Variants in LGSN observed in about 807,000 individuals in gnomAD.
LGSN encodes the protein lengsin.
Under a neutral mutation model 19.5 loss-of-function variants are expected in LGSN, and 21 were observed. That is an observed-to-expected ratio of 1.07 (90% CI 0.76 to 1.55). The LOEUF is 1.55. Among genes scored for constraint, LGSN ranks in the 40% most tolerant of loss-of-function variants. LGSN has a pLI of 0.00. For missense variants in LGSN, 673 were observed against 608.5 expected (o/e 1.11, Z -1.12); for synonymous variants, 257 against 215.6 (o/e 1.19, Z -1.68).
the LGSN span, among the ~76,000 whole-genome samples, chr6:63,499,450 C>A: frequency 1.3e-5 from 2 of 152,154 alleles, no homozygotes; most frequent in East Asian, 3.9e-4. Flanking sequence ...ATATTAGATT[C>A]CTGAAAAGTT....
the LGSN span, among the ~76,000 whole-genome samples, chr6:63,504,638 T>C: frequency 6.6e-6 from 1 of 152,042 alleles, no homozygotes; most frequent in Non-Finnish European, 1.5e-5. Flanking sequence ...GAGACAGGGT[T>C]TTGCCACGTT....
chr6:63,447,008 CG>C, the LGSN span, among the ~76,000 whole-genome samples: 1 of 152,168 alleles, frequency 6.6e-6, no homozygotes, highest in Non-Finnish European at 1.5e-5. Flanking sequence ...GAGATCGTGC[CG>C]TTGCACTCCA....
chr6:63,550,869 G>A, the LGSN span, among the ~76,000 whole-genome samples: 2 of 152,136 alleles, frequency 1.3e-5, no homozygotes, highest in South Asian at 2.1e-4. Context: ...CAGGTGATCC[G>A]CCTGCCTCGG....
At chr6:63,549,020 G>T in the LGSN span, 1 of 728,074 alleles carries the variant, frequency 1.4e-6, no homozygotes. Flanking sequence ...CCAGCTCGAT[G>T]GGATCCACGT....
the LGSN span, among the ~76,000 whole-genome samples, chr6:63,333,210 A>C: frequency 6.6e-6 from 1 of 151,982 alleles, no homozygotes; most frequent in Non-Finnish European, 1.5e-5. Context: ...GGTAGAGCCA[A>C]GTGGTCTGTT....
intron 1 of LGSN, among the ~76,000 whole-genome samples, chr6:63,303,176 G>A (rs1582039702): frequency 1.3e-5 from 2 of 152,014 alleles, no homozygotes; most frequent in Admixed American, 1.3e-4. Context: ...CATAATCCTA[G>A]GAAGACAAAA....
the LGSN span, among the ~76,000 whole-genome samples, chr6:63,437,461 G>A: frequency 4.6e-5 from 7 of 151,936 alleles, no homozygotes; most frequent in South Asian, 4.2e-4. Flanking sequence ...TCACTCTCTC[G>A]CCCAGGATGG....
chr6:63,330,590 C>T, the LGSN span, among the ~76,000 whole-genome samples: 1 of 152,316 alleles, frequency 6.6e-6, no homozygotes, highest in African/African-American at 2.4e-5. Flanking sequence ...GGATTTTCTT[C>T]CTTTCCCTGA....
At chr6:63,318,331 C>T (rs1220824384) in intron 1 of LGSN, among the ~76,000 whole-genome samples, 5 of 152,166 alleles carry the variant, frequency 3.3e-5, no homozygotes, top group Non-Finnish European at 5.9e-5. Flanking sequence ...TGCTCTTGCT[C>T]ACATTACCAG....
chr6:63,352,490 A>G, the LGSN span, among the ~76,000 whole-genome samples: 1 of 152,062 alleles, frequency 6.6e-6, no homozygotes. Context: ...GAGAGTCTCC[A>G]TCTCTACAAA....
the LGSN span, among the ~76,000 whole-genome samples, chr6:63,557,527 C>T: frequency 6.6e-6 from 1 of 152,074 alleles, no homozygotes; most frequent in Non-Finnish European, 1.5e-5. Flanking sequence ...GATCGCACCA[C>T]TACACTCCAG....
rs545881294 is a variant in LGSN at position 63,278,033 on chromosome 6, C to T, written c.*1988G>A. ...AGGTTGCAGTGAGCCAAGACCCCCC[C>T]ACATTGCACTTCAGCCTGGGTGACA... On this transcript the variant is annotated 3_prime_UTR_variant, in exon 4 of 4. Transcript: ENST00000370657. The T allele has an allele frequency of 6.6e-6, 1 of 151,160 alleles. No homozygotes were observed. The highest frequency in any genetic ancestry group is 2.1e-4 in the South Asian group (1 of 4,802). 9.4% of individuals were successfully genotyped at this position (151,160 alleles called of 1,614,324 possible). A position where few individuals can be genotyped will look rare whatever the true frequency, so the allele number is the denominator to read the frequency against.
At chr6:63,482,122 G>T in the LGSN span, among the ~76,000 whole-genome samples, 1 of 151,854 alleles carries the variant, frequency 6.6e-6, no homozygotes, top group African/African-American at 2.4e-5. Flanking sequence ...CTCTCACTTT[G>T]CCTATTTACA....
chr6:63,451,618 G>A, the LGSN span, among the ~76,000 whole-genome samples: 2 of 152,032 alleles, frequency 1.3e-5, no homozygotes, highest in Non-Finnish European at 2.9e-5. Flanking sequence ...GTAGGAGGAG[G>A]GAGAGGATCA....
At chr6:63,561,652 T>C in the LGSN span, among the ~76,000 whole-genome samples, 5 of 152,176 alleles carry the variant, frequency 3.3e-5, no homozygotes, top group South Asian at 1.0e-3. Flanking sequence ...CCTTGGGTTT[T>C]AGATGTTTCC....
chr6:63,283,618 C>CTTT (rs34439463), intron 3 of LGSN, among the ~76,000 whole-genome samples: 10 of 139,482 alleles, frequency 7.2e-5, no homozygotes, highest in African/African-American at 2.7e-4. Flanking sequence ...ACAAATGAAT[C>CTTT]TTTTTTTTTT....
chr6:63,286,974 G>C (rs1767564323), intron 2 of LGSN, among the ~76,000 whole-genome samples: 1 of 152,156 alleles, frequency 6.6e-6, no homozygotes. Flanking sequence ...ATGTTATCAT[G>C]ATCAAGTCTG....
intron 1 of LGSN, among the ~76,000 whole-genome samples, chr6:63,318,919 G>A (rs1768973271): frequency 2.0e-5 from 3 of 152,152 alleles, no homozygotes; most frequent in African/African-American, 4.8e-5. Context: ...TTGCAGCTAT[G>A]AATTTACTTT....
chr6:63,360,791 C>T, the LGSN span, among the ~76,000 whole-genome samples: 1 of 152,284 alleles, frequency 6.6e-6, no homozygotes, highest in African/African-American at 2.4e-5. Context: ...GTGGTTTTAT[C>T]TACCTTTGGT....
Sources: gnomAD v4.1 joint callset for allele counts (sites outside exome capture counted in the v4.1 genomes callset) on GRCh38, gnomAD v4.1.1 for gene constraint, MANE v1.5 for transcripts, NCBI Gene and HGNC (gene_info 2026-07-23, HGNC 2026-07-21) for gene names.